The following TRAPPC9 variants were observed in gnomAD, a reference collection of about 807,000 sequenced individuals.
TRAPPC9 encodes trafficking protein particle complex subunit 9, also known as IKK2 binding protein.
In TRAPPC9, 83 loss-of-function variants were observed where a neutral mutation model predicts 124.0. The observed-to-expected ratio is 0.67, with a 90% CI of 0.56 to 0.80. The LOEUF is 0.80. TRAPPC9 is among the 30% of genes least tolerant of loss of function. The probability of loss-of-function intolerance (pLI) is 0.00; values close to 1 mark genes in which losing one functional copy is unlikely to be tolerated. For synonymous variants in TRAPPC9, 638 were observed against 617.5 expected (o/e 1.03, Z -0.49); for missense variants, 1,302 against 1,508.3 (o/e 0.86, Z 2.27).
At chr8:140,141,056 T>C (rs2061374719) in intron 17 of TRAPPC9, among the ~76,000 whole-genome samples, 1 of 152,218 alleles carries the variant, frequency 6.6e-6, no homozygotes, top group African/African-American at 2.4e-5. Flanking sequence ...TATAAGCAAC[T>C]TGTGGGCAGG....
chr8:140,354,992 T>C (rs1312610055), intron 9 of TRAPPC9, among the ~76,000 whole-genome samples: 1 of 152,270 alleles, frequency 6.6e-6, no homozygotes, highest in Non-Finnish European at 1.5e-5. Context: ...AAGAGACTGT[T>C]ATTTGTTCAA....
In TRAPPC9 at chr8:140,275,253, A is replaced by G. The variant is rs1217439102; in HGVS notation, c.2278+405T>C. 2.6e-5 allele frequency among the ~76,000 whole-genome samples: 4 copies of G among 152,296 alleles called. No homozygotes were observed. The East Asian group carries it at 7.7e-4, about 29-fold the overall frequency. On this transcript the variant is annotated intron_variant, in intron 15 of 22. Coordinates refer to ENST00000438773, the MANE Select transcript of TRAPPC9 (RefSeq NM_001160372.4). ...CTTCAGCACAGGTCCCCTGACCCCA[A>G]ACTACACGAGCTGGATGCATGATGG...
At chr8:140,140,513 G>A (rs567653935) in intron 17 of TRAPPC9, among the ~76,000 whole-genome samples, 6 of 152,174 alleles carry the variant, frequency 3.9e-5, no homozygotes, top group South Asian at 2.1e-4. Flanking sequence ...CAAGAGCATC[G>A]AAGTGTCTCT....
At chr8:139,846,973 T>C (rs758029041) in intron 21 of TRAPPC9, among the ~76,000 whole-genome samples, 33 of 152,264 alleles carry the variant, frequency 2.2e-4, no homozygotes, top group Non-Finnish European at 3.5e-4. Context: ...TCAATCACAC[T>C]ATTCATTCCT....
At chr8:140,224,679 C>A (rs1374886305) in intron 16 of TRAPPC9, among the ~76,000 whole-genome samples, 1 of 152,136 alleles carries the variant, frequency 6.6e-6, no homozygotes, top group Non-Finnish European at 1.5e-5. Flanking sequence ...CTTGTTCTAC[C>A]CCCATTTTTT....
intron 17 of TRAPPC9, among the ~76,000 whole-genome samples, chr8:140,143,780 TTC>T (rs1449970312): frequency 6.6e-6 from 1 of 152,256 alleles, no homozygotes; most frequent in East Asian, 1.9e-4. Context: ...TTATGAAAAG[TTC>T]TGATTTTCTT....
intron 17 of TRAPPC9, among the ~76,000 whole-genome samples, chr8:140,073,828 C>T (rs1263777283): frequency 6.6e-6 from 1 of 152,128 alleles, no homozygotes; most frequent in Admixed American, 6.5e-5. Flanking sequence ...TGGATGGTTC[C>T]TCACATTCTT....
intron 19 of TRAPPC9, among the ~76,000 whole-genome samples, chr8:139,917,657 C>A (rs1008606339): frequency 6.6e-6 from 1 of 152,210 alleles, no homozygotes; most frequent in Non-Finnish European, 1.5e-5. Flanking sequence ...GCCACCGCCT[C>A]CATCTTCGCA....
chr8:140,424,846 G>A (rs1465434361), intron 5 of TRAPPC9, among the ~76,000 whole-genome samples: 1 of 152,156 alleles, frequency 6.6e-6, no homozygotes, highest in African/African-American at 2.4e-5. Flanking sequence ...AAACGGTGGT[G>A]AGGAAAGCGG....
intron 9 of TRAPPC9, among the ~76,000 whole-genome samples, chr8:140,347,772 C>T (rs1279035408): frequency 1.3e-5 from 2 of 152,154 alleles, no homozygotes; most frequent in African/African-American, 2.4e-5. Flanking sequence ...TAACAAGTGT[C>T]GGAATAATTT....
intron 17 of TRAPPC9, among the ~76,000 whole-genome samples, chr8:140,190,713 G>A (rs1009901660): frequency 6.6e-6 from 1 of 152,168 alleles, no homozygotes; most frequent in Admixed American, 6.5e-5. Context: ...CTCCGCCATG[G>A]CTTTCCCTCC....
chr8:139,740,587 G>A (rs75789388), intron 21 of TRAPPC9, among the ~76,000 whole-genome samples: 4,269 of 152,336 alleles, frequency 0.028, 216 homozygotes, highest in African/African-American at 0.097. Flanking sequence ...ACACTGAGGT[G>A]TAGAGAGGTG....
chr8:139,824,040 G>A (rs1055078464), intron 21 of TRAPPC9, among the ~76,000 whole-genome samples: 2 of 152,170 alleles, frequency 1.3e-5, no homozygotes, highest in Admixed American at 6.5e-5. Context: ...TTTACATGGG[G>A]CTCTCACGTG....
chr8:139,923,145 C>T (rs952136658), intron 19 of TRAPPC9, among the ~76,000 whole-genome samples: 2 of 151,322 alleles, frequency 1.3e-5, no homozygotes, highest in African/African-American at 4.9e-5. Flanking sequence ...TACTGAGGGA[C>T]ACCGTGCCTA....
At chr8:140,149,175 G>A (rs934832729) in intron 17 of TRAPPC9, among the ~76,000 whole-genome samples, 1 of 152,050 alleles carries the variant, frequency 6.6e-6, no homozygotes, top group Non-Finnish European at 1.5e-5. Flanking sequence ...CTCTGATCTC[G>A]TTCCATTGCT....
intron 10 of TRAPPC9, 36 bp from the exon 11 acceptor site, chr8:140,300,650 T>C: frequency 1.2e-6 from 2 of 1,613,856 alleles, no homozygotes; most frequent in Admixed American, 3.3e-5. Flanking sequence ...ACTTCAACTG[T>C]CTGGTTAGCG....
intron 9 of TRAPPC9, among the ~76,000 whole-genome samples, chr8:140,351,215 T>C (rs1021886045): frequency 1.7e-5 from 2 of 114,812 alleles, no homozygotes; most frequent in Non-Finnish European, 3.6e-5. Context: ...GCTGCCATTC[T>C]CCCCGCACCC....
chr8:140,135,092 A>C (rs1053654976), intron 17 of TRAPPC9, among the ~76,000 whole-genome samples: 1 of 152,224 alleles, frequency 6.6e-6, no homozygotes, highest in Non-Finnish European at 1.5e-5. Context: ...CATCAAGGAA[A>C]TGCAAATCAA....
chr8:139,900,365 A>G (rs1286652740), intron 20 of TRAPPC9, among the ~76,000 whole-genome samples: 2 of 151,888 alleles, frequency 1.3e-5, no homozygotes, highest in Non-Finnish European at 2.9e-5. Context: ...CTGGAAACCA[A>G]CCCTTCTGTC....
Sources: allele counts gnomAD v4.1 joint callset (sites outside exome capture counted in the v4.1 genomes callset), GRCh38; gene constraint gnomAD v4.1.1; transcripts MANE v1.5; gene names NCBI Gene and HGNC (gene_info 2026-07-23, HGNC 2026-07-21).